The following BTRC variants were observed in gnomAD, a reference collection of about 807,000 sequenced individuals.
BTRC encodes F-box/WD repeat-containing protein 1A.
BTRC carries 42 observed loss-of-function variants against 85.5 expected under a neutral mutation model. The ratio of observed to expected loss-of-function variants is 0.49; its 90% CI spans 0.38 to 0.64. The LOEUF (loss-of-function observed/expected upper bound fraction) is 0.64. BTRC is among the 30% of genes least tolerant of loss of function. The probability of loss-of-function intolerance (pLI) is 0.00; values close to 1 mark genes in which losing one functional copy is unlikely to be tolerated. For synonymous variants in BTRC, 255 were observed against 263.3 expected (o/e 0.97, Z 0.30); for missense variants, 594 against 743.5 (o/e 0.80, Z 2.34).
intron 1 of BTRC, among the ~76,000 whole-genome samples, chr10:101,380,163 A>G (rs1020169427): frequency 6.6e-6 from 1 of 152,160 alleles, no homozygotes; most frequent in Non-Finnish European, 1.5e-5. Flanking sequence ...TCTGCTTCCT[A>G]GATGTCATAG....
chr10:101,447,333 G>A (rs1944853579), intron 2 of BTRC, among the ~76,000 whole-genome samples: 1 of 152,054 alleles, frequency 6.6e-6, no homozygotes, highest in Non-Finnish European at 1.5e-5. Context: ...ATTTAGAAAT[G>A]GCCATGTTTT....
chr10:101,393,077 C>A (rs1943277718), intron 1 of BTRC, among the ~76,000 whole-genome samples: 1 of 152,064 alleles, frequency 6.6e-6, no homozygotes, highest in Non-Finnish European at 1.5e-5. Flanking sequence ...TGAGAGGGTC[C>A]CACCTCATAC....
chr10:101,538,262 C>T (rs756006292), intron 12 of BTRC, 31 bp from the exon 13 acceptor site: 4 of 1,581,188 alleles, frequency 2.5e-6, no homozygotes, highest in Non-Finnish European at 3.5e-6. Flanking sequence ...TTGCTTTTAA[C>T]TAACATTTTT....
At chr10:101,545,224 CA>C (rs777960587) in intron 13 of BTRC, among the ~76,000 whole-genome samples, 14 of 151,860 alleles carry the variant, frequency 9.2e-5, no homozygotes, top group Non-Finnish European at 1.9e-4. Flanking sequence ...TAGTTTTCAG[CA>C]ATTTGCTTAT....
chr10:101,517,726 C>T (rs2062041620), intron 4 of BTRC, among the ~76,000 whole-genome samples: 1 of 152,208 alleles, frequency 6.6e-6, no homozygotes, highest in Non-Finnish European at 1.5e-5. Context: ...CAGTGTCCCC[C>T]AGCTTCAAAC....
At chr10:101,372,463 C>T (rs1338695004) in intron 1 of BTRC, among the ~76,000 whole-genome samples, 4 of 147,966 alleles carry the variant, frequency 2.7e-5, no homozygotes, top group African/African-American at 4.9e-5. Context: ...CCATGTTGGT[C>T]AGGCTGGTCT....
At chr10:101,474,104 T>C (rs1260606021) in intron 3 of BTRC, among the ~76,000 whole-genome samples, 3 of 152,130 alleles carry the variant, frequency 2.0e-5, no homozygotes, top group African/African-American at 7.2e-5. Context: ...CTTCTCAGGG[T>C]TGGTTTTTGG....
At chr10:101,359,359 A>C (rs929906119) in intron 1 of BTRC, among the ~76,000 whole-genome samples, 5 of 152,112 alleles carry the variant, frequency 3.3e-5, no homozygotes, top group Admixed American at 6.6e-5. Flanking sequence ...GCTTTCAAAC[A>C]GTTTGTTTTC....
At chr10:101,429,693 C>T (rs531118648) in intron 1 of BTRC, among the ~76,000 whole-genome samples, 1 of 149,236 alleles carries the variant, frequency 6.7e-6, no homozygotes. Context: ...GCCTTATACC[C>T]CCCACCCCCC....
intron 1 of BTRC, among the ~76,000 whole-genome samples, chr10:101,359,834 A>G (rs1942150522): frequency 6.6e-6 from 1 of 152,052 alleles, no homozygotes; most frequent in African/African-American, 2.4e-5. Flanking sequence ...TCCCAACCTC[A>G]GGTGATCTGC....
intron 4 of BTRC, among the ~76,000 whole-genome samples, chr10:101,514,013 C>G (rs2061990747): frequency 6.6e-6 from 1 of 152,092 alleles, no homozygotes; most frequent in Non-Finnish European, 1.5e-5. Flanking sequence ...TTTGCATTTC[C>G]CTAATGACTA....
At chr10:101,357,904 G>A (rs1420029209) in intron 1 of BTRC, among the ~76,000 whole-genome samples, 1 of 152,188 alleles carries the variant, frequency 6.6e-6, no homozygotes, top group African/African-American at 2.4e-5. Context: ...ACGTGCTAAT[G>A]TCTCTCATTC....
chr10:101,398,705 G>A (rs1322734524), intron 1 of BTRC, among the ~76,000 whole-genome samples: 1 of 152,172 alleles, frequency 6.6e-6, no homozygotes, highest in Non-Finnish European at 1.5e-5. Context: ...TTTAGTGGAG[G>A]ATTTTATATT....
At chr10:101,479,596 TC>T (rs1473883332) in intron 4 of BTRC, 139 bp downstream of exon 4, 1 of 572,202 alleles carries the variant, frequency 1.7e-6, no homozygotes, top group Non-Finnish European at 2.9e-6. Flanking sequence ...CATCATTTTA[TC>T]TAGAACAGAT....
At chr10:101,354,133 C>G, upstream of BTRC, 1 of 1,546,748 alleles carries the variant, frequency 6.5e-7, no homozygotes, top group Non-Finnish European at 8.7e-7. Flanking sequence ...CGGCCTGGCA[C>G]CAAAGGGGCG....
At chr10:101,394,930 A>T (rs1007874549) in intron 1 of BTRC, among the ~76,000 whole-genome samples, 1 of 152,184 alleles carries the variant, frequency 6.6e-6, no homozygotes, top group African/African-American at 2.4e-5. Flanking sequence ...CATAGCAGTT[A>T]CCAAGAATGC....
At position 101,538,359 on chromosome 10, in the gene BTRC, A is replaced by G; in HGVS notation, c.1644A>G (p.Leu548=). The change falls in exon 13 of 15, where the codon CTA becomes CTG. Residue 548 remains leucine (L), a synonymous_variant. Coordinates refer to ENST00000370187, the MANE Select transcript of BTRC (RefSeq NM_033637.4). ...DPRAPAGTLC[L]RTLVEHSGRV... ...GTGCTCCTGCAGGGACACTCTGTCT[A>G]CGGACCCTTGTGGTAAGAGCCTTGC... 6.2e-7 allele frequency: 1 copy of G among 1,613,664 alleles called. No homozygotes were observed. Among genetic ancestry groups the G allele is most frequent in the Non-Finnish European group, 8.5e-7 (1 of 1,179,580 alleles).
rs1394546449 is a variant in BTRC, at chr10:101,390,254, G to A, written c.48+36026G>A. ...GATAAACTGCCCATCCTGCTTCCTG[G>A]AGTCATTGTAGGGAATAAATCAAAC... On this transcript the variant is annotated intron_variant, in intron 1 of 14. Transcript: ENST00000370187. Among the ~76,000 whole-genome samples, 3 of 151,614 alleles carry A rather than the reference G, an allele frequency of 2.0e-5. No homozygotes were observed. The South Asian group carries it at 6.2e-4, about 32-fold the overall frequency.
chr10:101,445,434 A>G (rs373015627), intron 2 of BTRC, among the ~76,000 whole-genome samples: 2 of 152,218 alleles, frequency 1.3e-5, no homozygotes, highest in African/African-American at 4.8e-5. Context: ...TGTTTAAATC[A>G]GTAGAAAATA....
Sources: gnomAD v4.1 joint callset for allele counts (sites outside exome capture counted in the v4.1 genomes callset) on GRCh38, gnomAD v4.1.1 for gene constraint, MANE v1.5 for transcripts, NCBI Gene and HGNC (gene_info 2026-07-23, HGNC 2026-07-21) for gene names.